The following NELL1 variants were observed in gnomAD, a reference collection of about 807,000 sequenced individuals.
NELL1 encodes the protein protein kinase C-binding protein NELL1.
Under a neutral mutation model 107.4 loss-of-function variants are expected in NELL1, and 76 were observed. That is an observed-to-expected ratio of 0.71 (90% CI 0.59 to 0.86). The LOEUF is 0.86. Ranked by LOEUF, NELL1 falls within the 40% of genes least tolerant of loss-of-function variation. The pLI, the probability that NELL1 is intolerant of heterozygous loss-of-function variation, is 0.00. For missense variants in NELL1, 1,024 were observed against 1,005.5 expected, an observed-to-expected ratio of 1.02 and a Z score of -0.25; for synonymous variants, 353 against 341.2, an observed-to-expected ratio of 1.03 and a Z score of -0.38.
intron 13 of NELL1, among the ~76,000 whole-genome samples, chr11:21,167,092 C>T (rs1197770366): frequency 6.6e-6 from 1 of 151,824 alleles, no homozygotes; most frequent in Non-Finnish European, 1.5e-5. Context: ...ACATAATATA[C>T]ATACATAAGG....
intron 3 of NELL1, among the ~76,000 whole-genome samples, chr11:20,802,774 A>G (rs1857305018): frequency 6.6e-6 from 1 of 152,256 alleles, no homozygotes; most frequent in Non-Finnish European, 1.5e-5. Flanking sequence ...GGTTTTTATC[A>G]TGAAGGGATG....
chr11:21,523,883 A>G (rs1168456521), intron 15 of NELL1, among the ~76,000 whole-genome samples: 2 of 151,432 alleles, frequency 1.3e-5, no homozygotes, highest in African/African-American at 2.4e-5. Flanking sequence ...CTTTTTTCAT[A>G]TGTGTGTGTG....
intron 12 of NELL1, among the ~76,000 whole-genome samples, chr11:21,030,706 T>C (rs1852935011): frequency 1.3e-5 from 2 of 151,938 alleles, no homozygotes; most frequent in South Asian, 4.1e-4. Context: ...AAAAAAGATG[T>C]TCTAAAACTT....
intron 14 of NELL1, among the ~76,000 whole-genome samples, chr11:21,334,245 A>G (rs1451133877): frequency 1.3e-5 from 2 of 152,014 alleles, no homozygotes; most frequent in Non-Finnish European, 2.9e-5. Context: ...TGGGTGGTAA[A>G]TATTGGAGGC....
intron 3 of NELL1, among the ~76,000 whole-genome samples, chr11:20,800,675 G>A (rs1857264378): frequency 6.6e-6 from 1 of 152,184 alleles, no homozygotes; most frequent in Non-Finnish European, 1.5e-5. Context: ...TCTCCTGAGA[G>A]GTGGAGAGCC....
intron 13 of NELL1, among the ~76,000 whole-genome samples, chr11:21,209,330 AT>A (rs1437080648): frequency 4.4e-5 from 2 of 45,788 alleles, no homozygotes; most frequent in South Asian, 1.1e-3. Flanking sequence ...ATATGTATAT[AT>A]TATATATATA....
At chr11:20,988,439 CTATA>C (rs1025091817) in intron 12 of NELL1, among the ~76,000 whole-genome samples, 2 of 104,252 alleles carry the variant, frequency 1.9e-5, no homozygotes, top group African/African-American at 4.2e-5. Context: ...GTATATATAT[CTATA>C]TATACACATG....
intron 14 of NELL1, among the ~76,000 whole-genome samples, chr11:21,239,579 T>C (rs1858298553): frequency 6.6e-6 from 1 of 152,056 alleles, no homozygotes; most frequent in Non-Finnish European, 1.5e-5. Flanking sequence ...CTGTAGGCCA[T>C]TTAAGTTTTA....
intron 13 of NELL1, among the ~76,000 whole-genome samples, chr11:21,182,094 G>A (rs1856839790): frequency 6.6e-6 from 1 of 151,902 alleles, no homozygotes; most frequent in Non-Finnish European, 1.5e-5. Flanking sequence ...TGGTGGAGCT[G>A]AGATTCAAAT....
At chr11:21,451,254 G>A (rs1399858411) in intron 15 of NELL1, among the ~76,000 whole-genome samples, 1 of 151,536 alleles carries the variant, frequency 6.6e-6, no homozygotes, top group African/African-American at 2.4e-5. Flanking sequence ...GGCAAGGACA[G>A]AGGAGAGGTT....
intron 15 of NELL1, chr11:21,504,166 G>A (rs1855222752): frequency 6.6e-6 from 1 of 152,206 alleles, no homozygotes; most frequent in Non-Finnish European, 1.5e-5. Context: ...GCAACAGACT[G>A]GCACATAAGT....
chr11:20,750,938 T>A lies in NELL1; in HGVS notation c.185-32742T>A, dbSNP rs557622218. 5.1e-4 allele frequency among the ~76,000 whole-genome samples: 77 copies of A among 152,296 alleles called. 1 individual carries two copies. In the South Asian group the frequency reaches 0.016, roughly 31 times the overall value. On this transcript the variant is annotated intron_variant, in intron 2 of 19. Transcript: ENST00000357134. ...AAAATAATGGTTGGGGTTCAGCTTT[T>A]AAAACACAGCTCCCCAGATGTTCTG... is the stretch of plus-strand genomic sequence containing the variant.
chr11:21,034,582 A>G (rs1853042434), intron 12 of NELL1, among the ~76,000 whole-genome samples: 1 of 152,198 alleles, frequency 6.6e-6, no homozygotes, highest in African/African-American at 2.4e-5. Context: ...TTAGAAATCA[A>G]TACTATGAAA....
intron 13 of NELL1, among the ~76,000 whole-genome samples, chr11:21,177,971 T>C (rs987547186): frequency 6.6e-6 from 1 of 151,896 alleles, no homozygotes; most frequent in Non-Finnish European, 1.5e-5. Flanking sequence ...GTTATTTGTT[T>C]TCTTTTTATG....
At chr11:21,156,528 G>A (rs1396794794) in intron 13 of NELL1, among the ~76,000 whole-genome samples, 1 of 152,058 alleles carries the variant, frequency 6.6e-6, no homozygotes, top group Non-Finnish European at 1.5e-5. Flanking sequence ...TTGAGTAAGG[G>A]AGGTAGACAC....
In NELL1 at chr11:21,573,289, C is replaced by G; in HGVS notation, c.2262C>G (p.Cys754Trp). ...ECCPRCVSDPCLADNITYDIR... is the reference protein window; with the variant it reads ...ECCPRCVSDPWLADNITYDIR... Reference sequence around the variant, plus strand: ...GTCCCCGCTGTGTCAGTGACCCCTGCCTAGCTGATAACATCACCTATGACA... The same window carrying G: ...GTCCCCGCTGTGTCAGTGACCCCTGGCTAGCTGATAACATCACCTATGACA... The change falls in exon 19 of 20, where the codon TGC becomes TGG. Residue 754 changes from cysteine to tryptophan, a missense_variant. Transcript: ENST00000357134. The G allele has an allele frequency of 6.2e-7, 1 of 1,612,516 alleles. No homozygotes were observed. Among genetic ancestry groups the G allele is most frequent in the Non-Finnish European group, 8.5e-7 (1 of 1,179,052 alleles).
chr11:20,705,909 G>A (rs1252101179), intron 2 of NELL1, among the ~76,000 whole-genome samples: 1 of 152,112 alleles, frequency 6.6e-6, no homozygotes, highest in Non-Finnish European at 1.5e-5. Flanking sequence ...AAAGACACGT[G>A]AAAAAATGCT....
intron 4 of NELL1, among the ~76,000 whole-genome samples, chr11:20,860,348 T>C (rs1477952050): frequency 6.6e-6 from 1 of 152,184 alleles, no homozygotes; most frequent in Non-Finnish European, 1.5e-5. Context: ...TGCCACCTAA[T>C]AGGTAATCAG....
chr11:21,065,994 A>G (rs1306944551), intron 12 of NELL1, among the ~76,000 whole-genome samples: 2 of 152,172 alleles, frequency 1.3e-5, no homozygotes, highest in Non-Finnish European at 1.5e-5. Flanking sequence ...AATTTTGAAT[A>G]TTACAATTTA....
Sources: gnomAD v4.1 joint callset for allele counts (sites outside exome capture counted in the v4.1 genomes callset) on GRCh38, gnomAD v4.1.1 for gene constraint, MANE v1.5 for transcripts, NCBI Gene and HGNC (gene_info 2026-07-23, HGNC 2026-07-21) for gene names.